The following NRG2 variants were observed in gnomAD, a reference collection of about 807,000 sequenced individuals.
The protein encoded by NRG2 is neuregulin 2, also known as pro-neuregulin-2, membrane-bound isoform.
In NRG2, 27 loss-of-function variants were observed where a neutral mutation model predicts 73.9. The ratio of observed to expected loss-of-function variants is 0.37; its 90% CI spans 0.27 to 0.50. The LOEUF is 0.50. Ranked by LOEUF, NRG2 falls within the 20% of genes least tolerant of loss-of-function variation. NRG2 has a pLI of 0.96. For missense variants in NRG2, 1,126 were observed against 1,210.1 expected (o/e 0.93, Z 1.03); for synonymous variants, 532 against 541.0 (o/e 0.98, Z 0.23).
rs1452854595 is a variant in NRG2 at position 139,882,095 on chromosome 5, A to G, written c.873-1121T>C. 8.5e-5 allele frequency among the ~76,000 whole-genome samples: 13 copies of G among 152,216 alleles called. No homozygotes were observed. The South Asian group carries it at 1.7e-3, about 19-fold the overall frequency. Reference sequence around the variant, plus strand: ...CACCTCCTCTTTTTAGTGCTGAATTAAAAAGCCAGATTTCCAGCCTATGTG... The same window carrying G: ...CACCTCCTCTTTTTAGTGCTGAATTGAAAAGCCAGATTTCCAGCCTATGTG... On this transcript the variant is annotated intron_variant, in intron 2 of 9. Coordinates refer to ENST00000361474, the MANE Select transcript of NRG2 (RefSeq NM_004883.3).
At chr5:139,948,290 T>C (rs145590490) in intron 1 of NRG2, among the ~76,000 whole-genome samples, 1 of 152,346 alleles carries the variant, frequency 6.6e-6, no homozygotes, top group East Asian at 1.9e-4. Context: ...ACCAGTCTCA[T>C]TGCACTTGAC....
chr5:139,974,685 C>A (rs1328083789), intron 1 of NRG2, among the ~76,000 whole-genome samples: 1 of 152,172 alleles, frequency 6.6e-6, no homozygotes, highest in Non-Finnish European at 1.5e-5. Context: ...CTGTTACCAG[C>A]CCCTATTTCT....
chr5:140,039,688 C>A (rs1321410344), intron 1 of NRG2, among the ~76,000 whole-genome samples: 1 of 151,950 alleles, frequency 6.6e-6, no homozygotes, highest in South Asian at 2.1e-4. Context: ...CATATTTTGC[C>A]CCCCTCCAAA....
chr5:140,014,954 G>T (rs1759654301), intron 1 of NRG2, among the ~76,000 whole-genome samples: 1 of 152,128 alleles, frequency 6.6e-6, no homozygotes, highest in Non-Finnish European at 1.5e-5. Context: ...CCTTTTTGCT[G>T]TTCCCCAAAC....
At chr5:140,021,038 C>T (rs1760182462) in intron 1 of NRG2, among the ~76,000 whole-genome samples, 1 of 152,184 alleles carries the variant, frequency 6.6e-6, no homozygotes, top group Admixed American at 6.5e-5. Flanking sequence ...ACTCTCAGAG[C>T]ATTAATCTTT....
chr5:139,980,371 CTG>C (rs1298332365), intron 1 of NRG2, among the ~76,000 whole-genome samples: 2 of 151,768 alleles, frequency 1.3e-5, no homozygotes, highest in Non-Finnish European at 2.9e-5. Context: ...AAAATCTTCA[CTG>C]TACCTGGTTT....
chr5:139,996,370 C>T (rs540311429), intron 1 of NRG2, among the ~76,000 whole-genome samples: 57 of 152,118 alleles, frequency 3.7e-4, no homozygotes, highest in Non-Finnish European at 6.6e-4. Flanking sequence ...TCTAGTTAAC[C>T]GATGCCTCAT....
intron 9 of NRG2, among the ~76,000 whole-genome samples, chr5:139,849,300 C>A (rs1761251640): frequency 6.6e-6 from 1 of 152,202 alleles, no homozygotes; most frequent in Non-Finnish European, 1.5e-5. Flanking sequence ...CATTAGTCTC[C>A]ATTCAGATAC....
chr5:139,890,461 C>T (rs1167530388), intron 1 of NRG2, among the ~76,000 whole-genome samples: 4 of 121,108 alleles, frequency 3.3e-5, no homozygotes, highest in African/African-American at 7.1e-5. Context: ...TCTTTTCTTT[C>T]TTTCTTTCTT....
Position 140,031,194 on chromosome 5 carries a change from C to T in NRG2, c.700+11176G>A, listed in dbSNP as rs577895678. On this transcript the variant is annotated intron_variant, in intron 1 of 9. Transcript: ENST00000361474. Reference sequence around the variant, plus strand: ...ATTCTTGACAATGGGGGCTGAAGAACGGATGTTACATTCAGAGAAGAGCAA... The same window carrying T: ...ATTCTTGACAATGGGGGCTGAAGAATGGATGTTACATTCAGAGAAGAGCAA... Among the ~76,000 whole-genome samples the T allele has an allele frequency of 1.6e-4, 25 of 152,242 alleles. No homozygotes were observed. In the South Asian group the frequency reaches 5.0e-3, roughly 30 times the overall value.
intron 1 of NRG2, among the ~76,000 whole-genome samples, chr5:139,938,924 A>G (rs1424829978): frequency 1.6e-4 from 22 of 138,630 alleles, no homozygotes; most frequent in Non-Finnish European, 2.5e-4. Context: ...AAAGAAAGAA[A>G]GAAAGAAAGA....
Position 139,975,815 on chromosome 5 carries a change from A to C in NRG2, c.700+66555T>G, listed in dbSNP as rs559334127. On this transcript the variant is annotated intron_variant, in intron 1 of 9. Transcript: ENST00000361474. Reference sequence around the variant, plus strand: ...AACTGTCTGTATCCTGGGGCTGAACATGCTTTTCAGCAATTGGTGCTTTCT... The same window carrying C: ...AACTGTCTGTATCCTGGGGCTGAACCTGCTTTTCAGCAATTGGTGCTTTCT... Among the ~76,000 whole-genome samples, 10 of 152,334 alleles carry C rather than the reference A, an allele frequency of 6.6e-5. No homozygotes were observed. The East Asian group carries it at 1.3e-3, about 21-fold the overall frequency.
In NRG2 at chr5:140,042,752, G is replaced by C; in HGVS notation, c.318C>G (p.Phe106Leu). The C allele has an allele frequency of 6.4e-7, 1 of 1,556,154 alleles. No homozygotes were observed. The highest frequency in any genetic ancestry group is 8.7e-7 in the Non-Finnish European group (1 of 1,151,668). ...GCGAGTAGCAGGCGAGCGACACACC[G>C]AAGAGCAGCATGGAGAAGCCGGGGG... ...DPAPGFSMLL[F>L]GVSLACYSPS... is the part of the protein sequence containing the mutation. The change falls in exon 1 of 10, where the codon TTC (phenylalanine) becomes TTG (leucine). Residue 106 changes from phenylalanine to leucine, a missense_variant. Transcript: ENST00000361474.
intron 1 of NRG2, among the ~76,000 whole-genome samples, chr5:139,911,056 C>A (rs1462110809): frequency 2.0e-5 from 3 of 151,784 alleles, no homozygotes; most frequent in African/African-American, 7.3e-5. Flanking sequence ...AATGGGAGAG[C>A]AAACGAGGGG....
chr5:139,997,937 G>C (rs1758144896), intron 1 of NRG2, among the ~76,000 whole-genome samples: 1 of 152,204 alleles, frequency 6.6e-6, no homozygotes, highest in South Asian at 2.1e-4. Context: ...AGGTAAATTA[G>C]GAAGCTTTTG....
At position 139,904,329 on chromosome 5, in the gene NRG2, C is replaced by T; in HGVS notation, c.701-16818G>A. 1 of 1,592,240 alleles carries T rather than the reference C, an allele frequency of 6.3e-7. No homozygotes were observed. Among genetic ancestry groups the T allele is most frequent in the Non-Finnish European group, 8.5e-7 (1 of 1,177,456 alleles). ...TACCTTTCTCCCCGGGATCGGGCTC[C>T]CTCTCCCGCTTCCTCCCCTCTGGGT... On this transcript the variant is annotated intron_variant, in intron 1 of 9. Coordinates refer to ENST00000361474, the MANE Select transcript of NRG2 (RefSeq NM_004883.3). This position sits in a 1 kb window ranked among gnomAD's most constrained non-coding sequence, Gnocchi z 6.0.
At chr5:139,978,594 G>T (rs1411414691) in intron 1 of NRG2, among the ~76,000 whole-genome samples, 1 of 151,990 alleles carries the variant, frequency 6.6e-6, no homozygotes, top group Non-Finnish European at 1.5e-5. Context: ...CCCATTACTG[G>T]GTATATACCC....
At chr5:139,858,135 C>T (rs1174634861) in intron 5 of NRG2, among the ~76,000 whole-genome samples, 2 of 152,210 alleles carry the variant, frequency 1.3e-5, no homozygotes, top group Non-Finnish European at 2.9e-5. Flanking sequence ...CAAAGCCTTA[C>T]CATGGCCTCT....
chr5:139,988,940 A>G (rs997386532), intron 1 of NRG2, among the ~76,000 whole-genome samples: 1 of 152,038 alleles, frequency 6.6e-6, no homozygotes, highest in Admixed American at 6.6e-5. Context: ...TGAGCCTAAC[A>G]CTGCTCTAAA....
Sources: allele counts gnomAD v4.1 joint callset (sites outside exome capture counted in the v4.1 genomes callset), GRCh38; gene constraint gnomAD v4.1.1; non-coding constraint Gnocchi (gnomAD v3.1); transcripts MANE v1.5; gene names NCBI Gene and HGNC (gene_info 2026-07-23, HGNC 2026-07-21).